Variants in BRSK2 observed in about 807,000 individuals in gnomAD.
The protein encoded by BRSK2 is BR serine/threonine kinase 2.
A neutral mutation model predicts 83.3 loss-of-function variants in BRSK2; 19 were observed. That is an observed-to-expected ratio of 0.23 (90% CI 0.16 to 0.33). The LOEUF (loss-of-function observed/expected upper bound fraction) is 0.33, where lower values mean the gene tolerates loss of function less well. Ranked by LOEUF, BRSK2 falls within the 10% of genes least tolerant of loss-of-function variation. BRSK2 has a pLI of 1.00. For synonymous variants in BRSK2, 519 were observed against 435.4 expected (o/e 1.19, Z -2.39); for missense variants, 798 against 1,042.3 (o/e 0.77, Z 3.23).
intron 1 of BRSK2, among the ~76,000 whole-genome samples, chr11:1,424,231 G>A (rs1336076498): frequency 6.6e-6 from 1 of 152,210 alleles, no homozygotes; most frequent in African/African-American, 2.4e-5. Context: ...CCATTCCCCT[G>A]GAGTGACAGT....
intron 1 of BRSK2, among the ~76,000 whole-genome samples, chr11:1,391,094 C>T (rs1254055883): frequency 2.0e-5 from 3 of 152,232 alleles, no homozygotes; most frequent in Admixed American, 6.5e-5. Context: ...TTCTAGGGAA[C>T]AGGCCGGGTC....
At chr11:1,443,761 G>A (rs1388344561) in intron 8 of BRSK2, 126 bp downstream of exon 8, 2 of 1,257,272 alleles carry the variant, frequency 1.6e-6, no homozygotes, top group African/African-American at 3.1e-5. Context: ...TCGGTGCCCA[G>A]GTGTGTGGAC....
At chr11:1,403,716 C>T (rs1846644269) in intron 1 of BRSK2, among the ~76,000 whole-genome samples, 1 of 152,174 alleles carries the variant, frequency 6.6e-6, no homozygotes, top group African/African-American at 2.4e-5. Context: ...CACTGATGGT[C>T]GCCTGTGGAC....
intron 1 of BRSK2, chr11:1,411,585 C>A: frequency 6.3e-7 from 1 of 1,582,972 alleles, no homozygotes; most frequent in Non-Finnish European, 8.5e-7. Flanking sequence ...GCCGCACCTC[C>A]ACCTTCCTCA....
rs940465391 is a variant in BRSK2 at position 1,462,639 on chromosome 11, T to C, written c.*1916T>C. 12 of 152,294 alleles carry C rather than the reference T, an allele frequency of 7.9e-5. No homozygotes were observed. Among genetic ancestry groups the C allele is most frequent in the African/African-American group, 2.9e-4 (12 of 41,470 alleles). The allele number at this position is 152,294 out of a possible 1,614,324, so 9.4% of individuals were successfully genotyped here. A position where few individuals can be genotyped will look rare whatever the true frequency, so the allele number is the denominator to read the frequency against. ...AAGCCCCTGCAGTGTACCCCTGTCA[T>C]AACTGTGAGCAGCTGCAGCTCCGGA... On this transcript the variant is annotated 3_prime_UTR_variant, in exon 20 of 20. Transcript: ENST00000528841.
intron 15 of BRSK2, among the ~76,000 whole-genome samples, chr11:1,451,884 C>T (rs558561672): frequency 8.3e-4 from 126 of 152,302 alleles, no homozygotes; most frequent in African/African-American, 2.9e-3. Flanking sequence ...GGTGCCACTG[C>T]AGAGACTCTA....
At chr11:1,444,252 G>T (rs1851727323) in intron 8 of BRSK2, among the ~76,000 whole-genome samples, 1 of 152,158 alleles carries the variant, frequency 6.6e-6, no homozygotes, top group African/African-American at 2.4e-5. Context: ...GTGGGGGCTA[G>T]CAAGAGCCAA....
Position 1,461,347 on chromosome 11 carries a change from C to A in BRSK2, c.*624C>A. ...CCTCGCAGGCCCGTGCCCCGCCTCC[C>A]TGGCTGCGCCGCCTCCGTGTAGTCT... On this transcript the variant is annotated 3_prime_UTR_variant, in exon 20 of 20. Transcript: ENST00000528841. 1 of 345,796 alleles carries A rather than the reference C, an allele frequency of 2.9e-6. No homozygotes were observed. 21.4% of individuals were successfully genotyped at this position (345,796 alleles called of 1,614,324 possible).
rs149028926 is a variant in BRSK2, at chr11:1,423,557, C to T, written c.92-12483C>T. Among the ~76,000 whole-genome samples the T allele has an allele frequency of 0.022, 3,387 of 152,238 alleles. 58 individuals are homozygous for T. Among genetic ancestry groups the T allele is most frequent in the Non-Finnish European group, 0.031 (2,110 of 67,990 alleles). ...CACTCGCGAGCTCCCTGGGGCTCCT[C>T]AGACCCGGTCACCGAACAGCAGAGA... On this transcript the variant is annotated intron_variant, in intron 1 of 19. Transcript: ENST00000528841. The surrounding 1 kb of genome is among the most constrained non-coding windows in gnomAD (Gnocchi z 6.5).
chr11:1,447,715 C>T (rs950050191), intron 12 of BRSK2: 29 of 1,317,324 alleles, frequency 2.2e-5, no homozygotes, highest in Middle Eastern at 1.8e-4. Context: ...AGTTCTTACC[C>T]GGTGTGGCCC....
Position 1,454,882 on chromosome 11 carries a change from G to A in BRSK2, c.1668+274G>A, listed in dbSNP as rs1279800435. 6.6e-6 allele frequency among the ~76,000 whole-genome samples: 1 copy of A among 152,188 alleles called. No individual in the cohort carries two copies. Among genetic ancestry groups the A allele is most frequent in the South Asian group, 2.1e-4 (1 of 4,838 alleles). ...CCCCAGCAGCCCTAGGTGTGTGCCGGACAGGCCTGGGCAGCTGGCACGTGG... is the reference window on the plus strand; with the variant it reads ...CCCCAGCAGCCCTAGGTGTGTGCCGAACAGGCCTGGGCAGCTGGCACGTGG... On this transcript the variant is annotated intron_variant, in intron 16 of 19. Coordinates refer to ENST00000528841, the MANE Select transcript of BRSK2 (RefSeq NM_001256627.2). This position sits in a 1 kb window ranked among gnomAD's most constrained non-coding sequence, Gnocchi z 5.2.
intron 1 of BRSK2, among the ~76,000 whole-genome samples, chr11:1,433,848 T>C (rs1168698722): frequency 2.6e-5 from 4 of 152,190 alleles, no homozygotes; most frequent in African/African-American, 9.6e-5. Context: ...CTCCCCTCTG[T>C]GCCCAGCCTG....
chr11:1,453,388 G>C (rs144373205), intron 15 of BRSK2, among the ~76,000 whole-genome samples: 1 of 152,232 alleles, frequency 6.6e-6, no homozygotes, highest in African/African-American at 2.4e-5. Flanking sequence ...TCTCTTCATC[G>C]GGCAGAACAT....
rs1032429195 is a variant in BRSK2, at chr11:1,423,329, C to T, written c.92-12711C>T. Among the ~76,000 whole-genome samples, 4 of 152,092 alleles carry T rather than the reference C, an allele frequency of 2.6e-5. No homozygotes were observed. The highest frequency in any genetic ancestry group is 6.5e-5 in the Admixed American group (1 of 15,276). ...GAGGCTAGGGGTGAGTTCGAGACCTCGTAAATACTTCAGTGCAGAGCCTTC... is the reference window on the plus strand; with the variant it reads ...GAGGCTAGGGGTGAGTTCGAGACCTTGTAAATACTTCAGTGCAGAGCCTTC... On this transcript the variant is annotated intron_variant, in intron 1 of 19. Coordinates refer to ENST00000528841, the MANE Select transcript of BRSK2 (RefSeq NM_001256627.2). The surrounding 1 kb of genome is among the most constrained non-coding windows in gnomAD (Gnocchi z 6.5).
intron 18 of BRSK2, among the ~76,000 whole-genome samples, chr11:1,457,387 A>C (rs1846725871): frequency 6.6e-6 from 1 of 152,174 alleles, no homozygotes; most frequent in Admixed American, 6.5e-5. Context: ...CGGGGGCTTC[A>C]CCACAGCCTG....
At chr11:1,402,475 G>T (rs558555557) in intron 1 of BRSK2, among the ~76,000 whole-genome samples, 1 of 152,224 alleles carries the variant, frequency 6.6e-6, no homozygotes. Flanking sequence ...CCCCGCCTCC[G>T]GGGAGGAGCA....
rs1397680763 is a variant in BRSK2, at chr11:1,454,594, C to T, written c.1654C>T (p.His552Tyr). Residue 552 changes from histidine to tyrosine, a missense_variant, in exon 16 of 20, where the codon CAC becomes TAC. Transcript: ENST00000528841. This position sits in a 1 kb window ranked among gnomAD's most constrained non-coding sequence, Gnocchi z 5.2. ...PLSSIKADIVHAFLSIPSLSH... is the reference protein window; with the variant it reads ...PLSSIKADIVYAFLSIPSLSH... ...GAGCTCCATCAAGGCTGACATCGTG[C>T]ACGCCTTCCTGTCGGTGAGGCCACA... The T allele has an allele frequency of 6.2e-7, 1 of 1,613,068 alleles. No individual in the cohort carries two copies. Among genetic ancestry groups the T allele is most frequent in the Non-Finnish European group, 8.5e-7 (1 of 1,179,926 alleles).
chr11:1,446,245 C>A (rs550322634), intron 12 of BRSK2, among the ~76,000 whole-genome samples: 5 of 100,106 alleles, frequency 5.0e-5, no homozygotes, highest in East Asian at 6.5e-4. Context: ...CTGGACTGCG[C>A]GGCTGAGCAG....
chr11:1,458,221 G>A (rs530254752), intron 18 of BRSK2, among the ~76,000 whole-genome samples: 2 of 152,046 alleles, frequency 1.3e-5, no homozygotes, highest in Non-Finnish European at 2.9e-5. Flanking sequence ...CTCCTGCGTG[G>A]GCTGTAGGCA....
Sources: gnomAD v4.1 joint callset for allele counts (sites outside exome capture counted in the v4.1 genomes callset) on GRCh38, gnomAD v4.1.1 for gene constraint, Gnocchi (gnomAD v3.1) non-coding constraint, MANE v1.5 for transcripts, NCBI Gene and HGNC (gene_info 2026-07-23, HGNC 2026-07-21) for gene names.